The following STARD10 variants were observed in gnomAD, a reference collection of about 807,000 sequenced individuals.
STARD10 encodes the protein START domain-containing protein 10.
Under a neutral mutation model 36.0 loss-of-function variants are expected in STARD10, and 24 were observed. The observed-to-expected ratio is 0.67, with a 90% CI of 0.48 to 0.94. STARD10 has a LOEUF of 0.94. Among genes scored for constraint, STARD10 ranks in the 40% least tolerant of loss-of-function variants. STARD10 has a pLI of 0.00. For synonymous variants in STARD10, 156 were observed against 161.9 expected, an observed-to-expected ratio of 0.96 and a Z score of 0.28; for missense variants, 335 against 396.6, an observed-to-expected ratio of 0.84 and a Z score of 1.32.
chr11:72,791,985 C>A (rs1026102933), intron 1 of STARD10, among the ~76,000 whole-genome samples: 3 of 150,960 alleles, frequency 2.0e-5, no homozygotes, highest in Non-Finnish European at 2.9e-5. Context: ...AGCGATTCTT[C>A]TGCCTCAGCC....
rs1859004061 is a variant in STARD10, at chr11:72,781,843, G to A, written c.-113-549C>T. 6.6e-6 allele frequency: 1 copy of A among 150,644 alleles called. No homozygotes were observed. Among genetic ancestry groups the A allele is most frequent in the Admixed American group, 6.6e-5 (1 of 15,196 alleles). 9.3% of individuals were successfully genotyped at this position (150,644 alleles called of 1,614,324 possible). ...CTCCCGGCTAGGCTGGGGGCTCGGG[G>A]GCTCGGGGGCTCGGCGGCCGCGGCT... On this transcript the variant is annotated intron_variant, in intron 1 of 6. Coordinates refer to ENST00000334805, the MANE Select transcript of STARD10 (RefSeq NM_006645.3). This position sits in a 1 kb window ranked among gnomAD's most constrained non-coding sequence, Gnocchi z 4.7.
At chr11:72,763,062 T>C (rs553322657) in intron 2 of STARD10, among the ~76,000 whole-genome samples, 5 of 152,320 alleles carry the variant, frequency 3.3e-5, no homozygotes, top group Middle Eastern at 3.4e-3. Context: ...CCTGGCACAG[T>C]GGCCAACTCT....
intron 2 of STARD10, among the ~76,000 whole-genome samples, chr11:72,773,974 A>G (rs1424708815): frequency 6.6e-6 from 1 of 152,238 alleles, no homozygotes; most frequent in Non-Finnish European, 1.5e-5. Context: ...GCATGTATGC[A>G]AGTGGAGACA....
chr11:72,760,610 A>AC (rs1858702746), intron 2 of STARD10, among the ~76,000 whole-genome samples: 1 of 151,940 alleles, frequency 6.6e-6, no homozygotes, highest in South Asian at 2.1e-4. Flanking sequence ...GTTTTATTTA[A>AC]CCCCCTCACC....
chr11:72,780,503 G>A (rs950467960), intron 2 of STARD10: 6 of 392,222 alleles, frequency 1.5e-5, no homozygotes, highest in East Asian at 7.4e-5. Context: ...GCAGGGCATC[G>A]GGCAGTAAGG....
chr11:72,774,406 C>G (rs1858904387), intron 2 of STARD10, among the ~76,000 whole-genome samples: 1 of 152,124 alleles, frequency 6.6e-6, no homozygotes, highest in African/African-American at 2.4e-5. Flanking sequence ...GCCACCTGCC[C>G]CGTGCCACCT....
chr11:72,758,482 G>A lies in STARD10; in HGVS notation c.459+48C>T, dbSNP rs928130883. On this transcript the variant is annotated intron_variant, in intron 4 of 6. Coordinates refer to ENST00000334805, the MANE Select transcript of STARD10 (RefSeq NM_006645.3). ...ATGGTGGCAGCCTCAGCCTTGCGCT[G>A]CCTGACCCTCTCCCCTGCTCCACCG... 5 of 1,519,224 alleles carry A rather than the reference G, an allele frequency of 3.3e-6. No individual in the cohort carries two copies. The African/African-American group carries it at 6.8e-5, about 21-fold the overall frequency. 94.1% of individuals were successfully genotyped at this position (1,519,224 alleles called of 1,614,324 possible).
chr11:72,770,227 TA>T (rs967364114), intron 2 of STARD10, among the ~76,000 whole-genome samples: 79 of 152,278 alleles, frequency 5.2e-4, no homozygotes, highest in African/African-American at 1.8e-3. Flanking sequence ...TTAAAAGAAT[TA>T]TTTTTTTTGA....
intron 4 of STARD10, 140 bp from the exon 5 acceptor site, chr11:72,758,024 T>A: frequency 2.5e-6 from 2 of 793,108 alleles, no homozygotes; most frequent in South Asian, 3.1e-5. Context: ...TCAGTCCTGA[T>A]TCTGGGTGCA....
rs1043495642 is a variant in STARD10 at position 72,793,852 on chromosome 11, C to T, written c.-1091G>A. On this transcript the variant is annotated 5_prime_UTR_variant, in exon 1 of 7. Coordinates refer to ENST00000334805, the MANE Select transcript of STARD10 (RefSeq NM_006645.3). ...CCCCTAGTGGTTGTGGCCGCTCTGTCACCACGGCTCCCGGGGCCTCTGTCG... is the reference window on the plus strand; with the variant it reads ...CCCCTAGTGGTTGTGGCCGCTCTGTTACCACGGCTCCCGGGGCCTCTGTCG... 2.0e-5 allele frequency: 3 copies of T among 152,266 alleles called. No homozygotes were observed. Among genetic ancestry groups the T allele is most frequent in the Non-Finnish European group, 4.4e-5 (3 of 68,052 alleles). 9.4% of individuals were successfully genotyped at this position (152,266 alleles called of 1,614,324 possible).
Position 72,757,930 on chromosome 11 carries a change from A to G in STARD10, c.460-46T>C, listed in dbSNP as rs762824772. On this transcript the variant is annotated intron_variant, in intron 4 of 6. Transcript: ENST00000334805. The stretch of plus-strand genomic sequence containing the variant: ...GAGGTGAGACTCGGGGTGGGGGCAA[A>G]GAAGATGTTTTTGTGAGTATACACA... 6.4e-6 allele frequency: 10 copies of G among 1,564,220 alleles called. No individual in the cohort carries two copies. In the South Asian group the frequency reaches 1.1e-4, roughly 17 times the overall value.
intron 2 of STARD10, among the ~76,000 whole-genome samples, chr11:72,765,065 C>T (rs1412283595): frequency 2.6e-5 from 4 of 152,152 alleles, no homozygotes; most frequent in African/African-American, 9.7e-5. Flanking sequence ...GTTGGGAGTT[C>T]AAGACCAGCC....
chr11:72,776,418 G>A (rs1858930938), intron 2 of STARD10, among the ~76,000 whole-genome samples: 1 of 152,204 alleles, frequency 6.6e-6, no homozygotes, highest in Non-Finnish European at 1.5e-5. Context: ...ACCCAGAAAG[G>A]TGAAATGACC....
intron 5 of STARD10, 50 bp from the exon 6 acceptor site, chr11:72,755,803 G>A (rs368578235): frequency 6.3e-5 from 97 of 1,532,472 alleles, no homozygotes; most frequent in Non-Finnish European, 7.8e-5. Flanking sequence ...CAGCCCCTCC[G>A]CCCCTGACAA....
chr11:72,755,199 CA>C (rs1366446417), intron 6 of STARD10, 57 bp from the exon 7 acceptor site: 2 of 1,531,512 alleles, frequency 1.3e-6, no homozygotes, highest in African/African-American at 2.7e-5. Flanking sequence ...GTCTTCTCCA[CA>C]CCCCCCTCCA....
At chr11:72,759,477 A>G in intron 2 of STARD10, 96 bp from the exon 3 acceptor site, 2 of 1,461,330 alleles carry the variant, frequency 1.4e-6, no homozygotes, top group East Asian at 2.3e-5. Context: ...AGGAAGAGAA[A>G]GAGGACAGCA....
chr11:72,785,095 T>TGG (rs1367210231), intron 1 of STARD10, among the ~76,000 whole-genome samples: 1 of 152,066 alleles, frequency 6.6e-6, no homozygotes, highest in Non-Finnish European at 1.5e-5. Flanking sequence ...TGATGGCTGT[T>TGG]GGGGGAGGGG....
intron 2 of STARD10, among the ~76,000 whole-genome samples, chr11:72,768,230 C>T (rs77354767): frequency 2.0e-5 from 3 of 152,124 alleles, no homozygotes; most frequent in East Asian, 1.9e-4. Context: ...ACAGCAGGTC[C>T]GAGCCCCAGC....
chr11:72,778,996 A>G (rs1390802037), intron 2 of STARD10, among the ~76,000 whole-genome samples: 1 of 152,218 alleles, frequency 6.6e-6, no homozygotes, highest in Non-Finnish European at 1.5e-5. Context: ...TGTTGCAGTC[A>G]GCCTGGCCCC....
Sources: gnomAD v4.1 joint callset for allele counts (sites outside exome capture counted in the v4.1 genomes callset) on GRCh38, gnomAD v4.1.1 for gene constraint, Gnocchi (gnomAD v3.1) non-coding constraint, MANE v1.5 for transcripts, NCBI Gene and HGNC (gene_info 2026-07-23, HGNC 2026-07-21) for gene names.